NRXN1: variants seen among roughly 807,000 people sequenced by gnomAD.
The protein encoded by NRXN1 is neurexin-1.
Under a neutral mutation model 150.9 loss-of-function variants are expected in NRXN1, and 39 were observed. The observed-to-expected ratio is 0.26, with a 90% confidence interval of 0.20 to 0.34. The LOEUF is 0.34. Among genes scored for constraint, NRXN1 ranks in the 10% least tolerant of loss-of-function variants. NRXN1 has a pLI of 1.00. For missense variants in NRXN1, 1,815 were observed against 1,949.9 expected (o/e 0.93, Z 1.30); for synonymous variants, 924 against 757.0 (o/e 1.22, Z -3.62).
chr2:50,757,446 C>A (rs1701273217), intron 5 of NRXN1, among the ~76,000 whole-genome samples: 1 of 151,576 alleles, frequency 6.6e-6, no homozygotes, highest in Non-Finnish European at 1.5e-5. Flanking sequence ...GATAGATATC[C>A]CAATTACCCT....
At chr2:50,472,179 G>T in intron 16 of NRXN1, 119 bp downstream of exon 16, 2 of 789,578 alleles carry the variant, frequency 2.5e-6, no homozygotes, top group Non-Finnish European at 3.6e-6. Flanking sequence ...GAATAAGGAT[G>T]TCTAAGCCCA....
At chr2:50,861,860 A>C (rs1001375569) in intron 5 of NRXN1, among the ~76,000 whole-genome samples, 2 of 152,054 alleles carry the variant, frequency 1.3e-5, no homozygotes, top group Non-Finnish European at 2.9e-5. Context: ...GTGTATTAAT[A>C]GATTGTTTAG....
intron 2 of NRXN1, among the ~76,000 whole-genome samples, chr2:51,007,819 T>A (rs910352537): frequency 6.6e-6 from 1 of 151,934 alleles, no homozygotes; most frequent in African/African-American, 2.4e-5. Flanking sequence ...ATTCCCTTCA[T>A]TTCAAAAGTT....
chr2:49,995,537 T>A (rs1046060678), intron 21 of NRXN1, among the ~76,000 whole-genome samples: 2 of 151,634 alleles, frequency 1.3e-5, no homozygotes, highest in Non-Finnish European at 2.9e-5. Flanking sequence ...ATCCCAGCAC[T>A]TTGGGAGGCC....
chr2:50,925,236 T>C (rs1351410202), intron 3 of NRXN1, among the ~76,000 whole-genome samples: 1 of 151,842 alleles, frequency 6.6e-6, no homozygotes, highest in Admixed American at 6.6e-5. Flanking sequence ...AAAATGAGAA[T>C]AAGGAAATAT....
rs1432208670 is a variant in NRXN1 at position 50,018,188 on chromosome 2, A to G, written c.4128+35083T>C. Among the ~76,000 whole-genome samples the G allele has an allele frequency of 3.3e-5, 5 of 152,168 alleles. No homozygotes were observed. In the East Asian group the frequency reaches 9.6e-4, roughly 29 times the overall value. On this transcript the variant is annotated intron_variant, in intron 21 of 22. Coordinates refer to ENST00000401669, the MANE Select transcript of NRXN1 (RefSeq NM_001330078.2). ...AATAACATTTCTTCATTAACATACA[A>G]GTCACAATGCTATTCCCATAAAGCA...
chr2:50,902,132 G>A (rs541120856), intron 5 of NRXN1, among the ~76,000 whole-genome samples: 31 of 152,152 alleles, frequency 2.0e-4, no homozygotes, highest in Non-Finnish European at 2.9e-5. Context: ...GAGAAGGATG[G>A]CTTTATTAGA....
rs1680936427 is a variant in NRXN1, at chr2:50,890,831, G to GT, written c.832+31037dup. 3.3e-5 allele frequency among the ~76,000 whole-genome samples: 5 copies of GT among 151,836 alleles called. No homozygotes were observed. In the South Asian group the frequency reaches 1.0e-3, roughly 31 times the overall value. On this transcript the variant is annotated intron_variant, in intron 5 of 22. Coordinates refer to ENST00000401669, the MANE Select transcript of NRXN1 (RefSeq NM_001330078.2). ...CGACTGTAGTGAAACAACTGTATTTGTTTTATTGTATTATGCACAAAACAC... is the reference window on the plus strand; with the variant it reads ...CGACTGTAGTGAAACAACTGTATTTGTTTTTATTGTATTATGCACAAAACAC...
At chr2:50,698,470 A>C (rs1454038075) in intron 5 of NRXN1, among the ~76,000 whole-genome samples, 1 of 152,256 alleles carries the variant, frequency 6.6e-6, no homozygotes, top group African/African-American at 2.4e-5. Context: ...GTGTTGGAAT[A>C]TAATTATTTT....
At chr2:50,167,163 C>T (rs746268589) in intron 18 of NRXN1, among the ~76,000 whole-genome samples, 2 of 152,074 alleles carry the variant, frequency 1.3e-5, no homozygotes, top group African/African-American at 2.4e-5. Flanking sequence ...TAAAAGAACA[C>T]TGATGAGGAA....
intron 21 of NRXN1, among the ~76,000 whole-genome samples, chr2:49,987,215 A>G (rs1681077072): frequency 6.6e-6 from 1 of 151,904 alleles, no homozygotes; most frequent in South Asian, 2.1e-4. Flanking sequence ...TCTGCTCTCT[A>G]TTTCAATGAG....
At chr2:50,636,246 CTATT>C (rs1275746472) in intron 5 of NRXN1, among the ~76,000 whole-genome samples, 2 of 152,016 alleles carry the variant, frequency 1.3e-5, no homozygotes, top group Non-Finnish European at 2.9e-5. Context: ...AAAATATTTG[CTATT>C]TATTTATTTT....
At chr2:49,981,207 C>A (rs1679928563) in intron 21 of NRXN1, among the ~76,000 whole-genome samples, 1 of 152,098 alleles carries the variant, frequency 6.6e-6, no homozygotes, top group Non-Finnish European at 1.5e-5. Context: ...TTTGATCCAA[C>A]CTCAAGACCC....
chr2:50,232,318 G>C (rs1398043315), intron 18 of NRXN1, among the ~76,000 whole-genome samples: 2 of 151,672 alleles, frequency 1.3e-5, no homozygotes, highest in Non-Finnish European at 2.9e-5. Context: ...TTCTGGAGAG[G>C]CTTCTAGGAT....
intron 17 of NRXN1, among the ~76,000 whole-genome samples, chr2:50,266,554 C>T (rs1394791788): frequency 3.4e-5 from 5 of 148,410 alleles, no homozygotes; most frequent in Non-Finnish European, 7.4e-5. Flanking sequence ...CACACACACA[C>T]ACACACACAC....
At position 50,170,756 on chromosome 2, in the gene NRXN1, C is replaced by T. The variant is rs866408793; in HGVS notation, c.3546+66033G>A. On this transcript the variant is annotated intron_variant, in intron 18 of 22. Transcript: ENST00000401669. Reference sequence around the variant, plus strand: ...GGACATTGAGTCTCTCTCTGTCTGTCGTGTGTGTGTGTGTGTGTGTGTGTG... The same window carrying T: ...GGACATTGAGTCTCTCTCTGTCTGTTGTGTGTGTGTGTGTGTGTGTGTGTG... 2.1e-5 allele frequency among the ~76,000 whole-genome samples: 3 copies of T among 143,214 alleles called. No individual in the cohort carries two copies. In the South Asian group the frequency reaches 6.9e-4, roughly 33 times the overall value. 94.0% of individuals were successfully genotyped at this position (143,214 alleles called of 152,430 possible). A position where few individuals can be genotyped will look rare whatever the true frequency, so the allele number is the denominator to read the frequency against.
At chr2:50,291,823 C>A (rs1024806438) in intron 17 of NRXN1, among the ~76,000 whole-genome samples, 2 of 152,116 alleles carry the variant, frequency 1.3e-5, no homozygotes, top group Admixed American at 1.3e-4. Context: ...AAGGGGCCTG[C>A]AAAGGACTAT....
intron 9 of NRXN1, chr2:50,551,210 G>A (rs1267627909): frequency 6.6e-6 from 1 of 152,232 alleles, no homozygotes; most frequent in Non-Finnish European, 1.5e-5. Flanking sequence ...AGTTTCCAGA[G>A]AGGAATGAAT....
rs1452377574 is a variant in NRXN1, at chr2:49,920,164, G to T, written c.*1780C>A. The T allele has an allele frequency of 1.3e-5, 2 of 151,984 alleles. No homozygotes were observed. The highest frequency in any genetic ancestry group is 2.9e-5 in the Non-Finnish European group (2 of 67,986). 9.4% of individuals were successfully genotyped at this position (151,984 alleles called of 1,614,324 possible). A position where few individuals can be genotyped will look rare whatever the true frequency, so the allele number is the denominator to read the frequency against. On this transcript the variant is annotated 3_prime_UTR_variant, in exon 23 of 23. Coordinates refer to ENST00000401669, the MANE Select transcript of NRXN1 (RefSeq NM_001330078.2). The stretch of plus-strand genomic sequence containing the variant: ...AATCTATACTTTTCCACTACTTAAT[G>T]TGTTAAACTAAAACTATATTTAATG...
Sources: allele counts gnomAD v4.1 joint callset (sites outside exome capture counted in the v4.1 genomes callset), GRCh38; gene constraint gnomAD v4.1.1; transcripts MANE v1.5; gene names NCBI Gene and HGNC (gene_info 2026-07-23, HGNC 2026-07-21).